The following MAML2 variants were observed in gnomAD, a reference collection of about 807,000 sequenced individuals.
MAML2 encodes mastermind-like protein 2.
A neutral mutation model predicts 96.1 loss-of-function variants in MAML2; 22 were observed. That is an observed-to-expected ratio of 0.23 (90% confidence interval 0.16 to 0.33). MAML2 has a LOEUF of 0.33. MAML2 is among the 10% of genes least tolerant of loss of function. MAML2 has a pLI of 1.00. For synonymous variants in MAML2, 561 were observed against 521.3 expected (o/e 1.08, Z -1.04); for missense variants, 1,367 against 1,392.4 (o/e 0.98, Z 0.29).
chr11:96,187,269 C>T (rs1475113821), intron 1 of MAML2, among the ~76,000 whole-genome samples: 4 of 152,178 alleles, frequency 2.6e-5, no homozygotes, highest in African/African-American at 9.7e-5. Context: ...ACTGTTATTC[C>T]AGATTGCTGG....
At chr11:96,270,975 G>T (rs1173055526) in intron 1 of MAML2, among the ~76,000 whole-genome samples, 1 of 152,192 alleles carries the variant, frequency 6.6e-6, no homozygotes, top group African/African-American at 2.4e-5. Context: ...CAGACTTGCT[G>T]AGTCTTCTGG....
At chr11:96,021,648 C>G (rs1858436771) in intron 2 of MAML2, among the ~76,000 whole-genome samples, 1 of 152,200 alleles carries the variant, frequency 6.6e-6, no homozygotes, top group Admixed American at 6.5e-5. Flanking sequence ...CTGGCAATGT[C>G]CTGGTTGGTG....
chr11:96,213,484 T>C (rs1171863270), intron 1 of MAML2, among the ~76,000 whole-genome samples: 2 of 152,226 alleles, frequency 1.3e-5, no homozygotes, highest in Non-Finnish European at 2.9e-5. Flanking sequence ...GTTACTCTTA[T>C]AACTGTATAA....
chr11:96,061,162 G>A (rs1859152966), intron 2 of MAML2, among the ~76,000 whole-genome samples: 1 of 152,182 alleles, frequency 6.6e-6, no homozygotes, highest in South Asian at 2.1e-4. Context: ...TTCTCTGCAG[G>A]TTGTCGAATT....
chr11:96,079,752 A>G (rs1357109299), intron 2 of MAML2, among the ~76,000 whole-genome samples: 1 of 152,238 alleles, frequency 6.6e-6, no homozygotes, highest in East Asian at 1.9e-4. Flanking sequence ...CAACAAAATG[A>G]GAGAGTAAAC....
intron 1 of MAML2, among the ~76,000 whole-genome samples, chr11:96,200,495 A>G (rs1861804804): frequency 6.6e-6 from 1 of 152,200 alleles, no homozygotes; most frequent in African/African-American, 2.4e-5. Flanking sequence ...TGTGCCTAAG[A>G]GCAAAACAAG....
intron 2 of MAML2, among the ~76,000 whole-genome samples, chr11:96,078,968 A>T (rs1046741310): frequency 6.6e-6 from 1 of 152,242 alleles, no homozygotes; most frequent in African/African-American, 2.4e-5. Flanking sequence ...AGTGTGCTTC[A>T]TTCCTTCTAC....
At chr11:96,182,323 C>G (rs966701202) in intron 1 of MAML2, among the ~76,000 whole-genome samples, 5 of 152,198 alleles carry the variant, frequency 3.3e-5, no homozygotes, top group African/African-American at 1.2e-4. Flanking sequence ...CAGAGCCTTA[C>G]GCATTCAACA....
intron 2 of MAML2, among the ~76,000 whole-genome samples, chr11:95,994,819 C>T (rs945879047): frequency 6.6e-6 from 1 of 152,050 alleles, no homozygotes; most frequent in African/African-American, 2.4e-5. Flanking sequence ...TAGAAAAATT[C>T]AAAACACTTT....
intron 1 of MAML2, among the ~76,000 whole-genome samples, chr11:96,121,780 A>ATTTCTTTTTTTTTTTTTTTTTTTTTT (rs1860346232): frequency 2.8e-5 from 1 of 35,238 alleles, no homozygotes; most frequent in Non-Finnish European, 4.9e-5. Flanking sequence ...CAACTGCGTG[A>ATTTCTTTTTTTTTTTTTTTTTTTTTT]TTTTTTTTTT....
chr11:95,981,601 T>C (rs1356110226), intron 4 of MAML2, among the ~76,000 whole-genome samples: 2 of 152,232 alleles, frequency 1.3e-5, no homozygotes, highest in African/African-American at 4.8e-5. Context: ...TTTATAAATA[T>C]GCCCCCAACT....
intron 1 of MAML2, among the ~76,000 whole-genome samples, chr11:96,207,053 A>G (rs1173507240): frequency 6.6e-6 from 1 of 152,244 alleles, no homozygotes; most frequent in Non-Finnish European, 1.5e-5. Context: ...ACTTAAGGAA[A>G]GATGTTAAGT....
intron 1 of MAML2, among the ~76,000 whole-genome samples, chr11:96,233,056 A>C (rs1364180768): frequency 6.6e-6 from 1 of 152,208 alleles, no homozygotes; most frequent in Non-Finnish European, 1.5e-5. Flanking sequence ...TGCTCTTAAG[A>C]CCAATTTTTT....
At chr11:96,100,506 C>T (rs1859908454) in intron 1 of MAML2, among the ~76,000 whole-genome samples, 1 of 151,824 alleles carries the variant, frequency 6.6e-6, no homozygotes, top group African/African-American at 2.4e-5. Context: ...GACAGGGTTT[C>T]ACCATGTTGG....
At chr11:96,252,439 T>C (rs866864061) in intron 1 of MAML2, among the ~76,000 whole-genome samples, 42 of 150,530 alleles carry the variant, frequency 2.8e-4, no homozygotes, top group Middle Eastern at 3.4e-3. Context: ...TTTTTTTTTT[T>C]TTTTTGACCT....
At position 96,276,257 on chromosome 11, in the gene MAML2, C is replaced by G. The variant is rs74379341; in HGVS notation, c.513+65126G>C. 2.9e-3 allele frequency among the ~76,000 whole-genome samples: 445 copies of G among 152,266 alleles called. 2 individuals are homozygous for G. Among genetic ancestry groups the G allele is most frequent in the African/African-American group, 0.01 (426 of 41,540 alleles). On this transcript the variant is annotated intron_variant, in intron 1 of 4. Transcript: ENST00000524717. ...TTTCCTTTTTCTCCTTCAAATGGAT[C>G]CACTTTACTGAGAGGAAGGCTATGC...
chr11:96,222,904 T>C (rs1862160261), intron 1 of MAML2, among the ~76,000 whole-genome samples: 1 of 152,192 alleles, frequency 6.6e-6, no homozygotes, highest in East Asian at 1.9e-4. Context: ...ATTTAAATAA[T>C]TATTTGAATG....
chr11:96,093,269 G>A lies in MAML2; in HGVS notation c.762C>T (p.Gly254=), dbSNP rs775701476. Residue 254 remains glycine, a synonymous_variant, in exon 2 of 5, where the codon GGC becomes GGT. Coordinates refer to ENST00000524717, the MANE Select transcript of MAML2 (RefSeq NM_032427.4). ...TTAAGCCCATGTTAAACAGGCCATT[G>A]CCAGGAGAATGTGTATGGGATGGCA... The part of the protein sequence containing the change: ...NTLPSHTHSP[G]NGLFNMGLKE... 1.9e-6 allele frequency: 3 copies of A among 1,613,906 alleles called. No homozygotes were observed. Among genetic ancestry groups the A allele is most frequent in the Non-Finnish European group, 2.5e-6 (3 of 1,179,908 alleles).
intron 2 of MAML2, among the ~76,000 whole-genome samples, chr11:96,046,036 C>A (rs2135761197): frequency 6.6e-6 from 1 of 151,868 alleles, no homozygotes; most frequent in Admixed American, 6.6e-5. Context: ...TGAACGATTT[C>A]TTTCTCCTTC....
Sources: allele counts gnomAD v4.1 joint callset (sites outside exome capture counted in the v4.1 genomes callset), GRCh38; gene constraint gnomAD v4.1.1; transcripts MANE v1.5; gene names NCBI Gene and HGNC (gene_info 2026-07-23, HGNC 2026-07-21).